The following BLVRA variants were observed in gnomAD, a reference collection of about 807,000 sequenced individuals.
BLVRA encodes the protein BVR A.
BLVRA carries 22 observed loss-of-function variants against 32.8 expected under a neutral mutation model. The ratio of observed to expected loss-of-function variants is 0.67; its 90% CI spans 0.48 to 0.96. The LOEUF (loss-of-function observed/expected upper bound fraction) is 0.96, where lower values mean the gene tolerates loss of function less well. Among genes scored for constraint, BLVRA ranks in the 40% least tolerant of loss-of-function variants. The pLI is 0.00. For missense variants in BLVRA, 323 were observed against 358.1 expected (o/e 0.90, Z 0.79); for synonymous variants, 119 against 141.3 (o/e 0.84, Z 1.12).
chr7:43,784,091 G>A (rs948077285), intron 2 of BLVRA, among the ~76,000 whole-genome samples: 2 of 152,192 alleles, frequency 1.3e-5, no homozygotes, highest in East Asian at 3.8e-4. Context: ...CTGTGATTTG[G>A]ACCTAAGTGA....
intron 5 of BLVRA, among the ~76,000 whole-genome samples, chr7:43,798,502 CT>C (rs1393526668): frequency 1.3e-5 from 2 of 152,132 alleles, no homozygotes; most frequent in Non-Finnish European, 2.9e-5. Flanking sequence ...GCTGTTGTTA[CT>C]TTTTATTATT....
intron 4 of BLVRA, among the ~76,000 whole-genome samples, chr7:43,792,033 G>A (rs767898570): frequency 5.8e-4 from 88 of 152,258 alleles, no homozygotes; most frequent in Admixed American, 1.0e-3. Flanking sequence ...AAGTGATTCT[G>A]ACATAAGTCC....
intron 1 of BLVRA, among the ~76,000 whole-genome samples, chr7:43,769,577 G>A (rs2095752096): frequency 6.6e-6 from 1 of 152,044 alleles, no homozygotes; most frequent in African/African-American, 2.4e-5. Context: ...AAGAGAGAAG[G>A]GAGGGGAGTT....
At chr7:43,766,795 C>T (rs1383496212) in intron 1 of BLVRA, among the ~76,000 whole-genome samples, 2 of 152,202 alleles carry the variant, frequency 1.3e-5, no homozygotes, top group Admixed American at 6.5e-5. Flanking sequence ...ACTCACAGCT[C>T]TGTGAGCAAC....
intron 1 of BLVRA, among the ~76,000 whole-genome samples, chr7:43,761,751 A>G (rs2095742581): frequency 6.6e-6 from 1 of 152,212 alleles, no homozygotes; most frequent in African/African-American, 2.4e-5. Flanking sequence ...AAAGTGGCAT[A>G]GTTTGTAATG....
At chr7:43,782,972 G>T (rs950822562) in intron 2 of BLVRA, among the ~76,000 whole-genome samples, 10 of 151,938 alleles carry the variant, frequency 6.6e-5, no homozygotes, top group Admixed American at 6.6e-5. Flanking sequence ...TGGGGCACTT[G>T]GGGTCATTGG....
At chr7:43,784,582 G>A (rs548792494) in intron 2 of BLVRA, among the ~76,000 whole-genome samples, 69 of 149,414 alleles carry the variant, frequency 4.6e-4, no homozygotes, top group Non-Finnish European at 7.4e-4. Context: ...TAAGATACCA[G>A]TGTCTTCACT....
intron 5 of BLVRA, among the ~76,000 whole-genome samples, chr7:43,796,765 A>G (rs10268054): frequency 0.15 from 22,310 of 152,266 alleles, 2,208 homozygotes; most frequent in Non-Finnish European, 0.22. Context: ...GTGAAAAAGC[A>G]GTCTATGTAA....
chr7:43,773,486 G>A (rs1231490410), intron 2 of BLVRA, among the ~76,000 whole-genome samples: 1 of 152,186 alleles, frequency 6.6e-6, no homozygotes, highest in African/African-American at 2.4e-5. Flanking sequence ...TTTTATGGCT[G>A]CATAGTATTC....
At chr7:43,759,142 G>C (rs536709539) in intron 1 of BLVRA, among the ~76,000 whole-genome samples, 1 of 152,330 alleles carries the variant, frequency 6.6e-6, no homozygotes, top group African/African-American at 2.4e-5. Context: ...AGGGCCGCTA[G>C]CTCGGCCGGG....
In BLVRA at chr7:43,800,483, A is replaced by G; in HGVS notation, c.371A>G (p.Glu124Gly). 1 of 1,614,084 alleles carries G rather than the reference A, an allele frequency of 6.2e-7. No individual in the cohort carries two copies. Among genetic ancestry groups the G allele is most frequent in the South Asian group, 1.1e-5 (1 of 91,082 alleles). Residue 124 changes from glutamate (E) to glycine (G), a missense_variant, in exon 6 of 8, where the codon GAG becomes GGG. Coordinates refer to ENST00000265523, the MANE Select transcript of BLVRA (RefSeq NM_000712.4). ...GTTACAGGAAAAGTCTTGCACGAGG[A>G]GCATGTTGAACTCTTGATGGAGGAA... ...AEQKGKVLHE[E>G]HVELLMEEFA...
chr7:43,780,088 G>A (rs2095767102), intron 2 of BLVRA, among the ~76,000 whole-genome samples: 1 of 151,768 alleles, frequency 6.6e-6, no homozygotes, highest in Admixed American at 6.6e-5. Context: ...GCCAGGCTGG[G>A]CTTGAACCCC....
intron 7 of BLVRA, among the ~76,000 whole-genome samples, chr7:43,804,624 C>A (rs1337412408): frequency 6.6e-6 from 1 of 152,190 alleles, no homozygotes; most frequent in African/African-American, 2.4e-5. Flanking sequence ...CACACATTCA[C>A]CCCTCAGTGC....
chr7:43,769,449 C>T (rs2095751993), intron 1 of BLVRA, among the ~76,000 whole-genome samples: 1 of 152,088 alleles, frequency 6.6e-6, no homozygotes, highest in East Asian at 1.9e-4. Flanking sequence ...CTAGTAGGTT[C>T]CCTTTTTCAG....
chr7:43,764,556 A>T (rs534163218), intron 1 of BLVRA, among the ~76,000 whole-genome samples: 10 of 152,234 alleles, frequency 6.6e-5, no homozygotes, highest in Non-Finnish European at 8.8e-5. Flanking sequence ...CATAGAGCAG[A>T]TAGGGGCTGG....
chr7:43,771,286 C>T, intron 2 of BLVRA, 116 bp downstream of exon 2: 2 of 1,236,446 alleles, frequency 1.6e-6, no homozygotes, highest in Non-Finnish European at 2.4e-6. Context: ...GAGAACATTT[C>T]CCCTCTAGCC....
chr7:43,772,222 T>G (rs1585715517), intron 2 of BLVRA, among the ~76,000 whole-genome samples: 1 of 152,212 alleles, frequency 6.6e-6, no homozygotes, highest in East Asian at 1.9e-4. Flanking sequence ...AGCTGTTGGT[T>G]GCATCCTAGG....
chr7:43,779,291 A>G (rs1017516310), intron 2 of BLVRA, among the ~76,000 whole-genome samples: 1 of 152,150 alleles, frequency 6.6e-6, no homozygotes, highest in Admixed American at 6.5e-5. Context: ...TGGCTCCACT[A>G]TCCTATCTTT....
chr7:43,760,397 C>T (rs2095740974), intron 1 of BLVRA, among the ~76,000 whole-genome samples: 1 of 152,052 alleles, frequency 6.6e-6, no homozygotes, highest in South Asian at 2.1e-4. Context: ...TATGTAGAGG[C>T]GACACTCCAT....
Sources: gnomAD v4.1 joint callset for allele counts (sites outside exome capture counted in the v4.1 genomes callset) on GRCh38, gnomAD v4.1.1 for gene constraint, MANE v1.5 for transcripts, NCBI Gene and HGNC (gene_info 2026-07-23, HGNC 2026-07-21) for gene names.